Variants in TRDN observed in about 807,000 individuals in gnomAD.
TRDN encodes the protein triadin, also known as triadin in skeletal muscle.
Under a neutral mutation model 149.7 loss-of-function variants are expected in TRDN, and 161 were observed. That is an observed-to-expected ratio of 1.08 (90% CI 0.95 to 1.23). The LOEUF is 1.23. Ranked by LOEUF, TRDN falls within the 50% of genes most tolerant of loss-of-function variation. TRDN has a pLI of 0.00. For missense variants in TRDN, 896 were observed against 823.5 expected, an observed-to-expected ratio of 1.09 and a Z score of -1.08; for synonymous variants, 294 against 250.5, an observed-to-expected ratio of 1.17 and a Z score of -1.64.
At chr6:123,423,154 C>T (rs972553016) in intron 12 of TRDN, among the ~76,000 whole-genome samples, 1 of 152,030 alleles carries the variant, frequency 6.6e-6, no homozygotes, top group Non-Finnish European at 1.5e-5. Context: ...CATCTTTTCA[C>T]ATTAAACATT....
chr6:123,491,479 C>A (rs1323252996), intron 9 of TRDN, among the ~76,000 whole-genome samples: 1 of 152,040 alleles, frequency 6.6e-6, no homozygotes, highest in Non-Finnish European at 1.5e-5. Context: ...TATTTAAATT[C>A]TTATCAAAAC....
At chr6:123,372,204 G>T (rs904142882) in intron 19 of TRDN, among the ~76,000 whole-genome samples, 1 of 151,952 alleles carries the variant, frequency 6.6e-6, no homozygotes, top group Admixed American at 6.6e-5. Context: ...ATTAAGAGCA[G>T]TTGTCTCCAA....
chr6:123,245,125 C>G (rs1418393465), intron 38 of TRDN, among the ~76,000 whole-genome samples: 1 of 152,150 alleles, frequency 6.6e-6, no homozygotes, highest in Non-Finnish European at 1.5e-5. Flanking sequence ...AAACTGTTAC[C>G]AGTCACTGCA....
intron 10 of TRDN, chr6:123,464,357 C>A: frequency 1.0e-6 from 1 of 973,820 alleles, no homozygotes; most frequent in Non-Finnish European, 1.2e-6. Flanking sequence ...ATAAACTATA[C>A]ATATACATAA....
chr6:123,517,645 C>T (rs903545361), intron 5 of TRDN, among the ~76,000 whole-genome samples: 4 of 152,068 alleles, frequency 2.6e-5, no homozygotes, highest in Non-Finnish European at 4.4e-5. Context: ...TAACTAAATG[C>T]TAGTAGCTCC....
At chr6:123,400,167 G>GTGTATATATATATATA (rs1554232309) in intron 12 of TRDN, among the ~76,000 whole-genome samples, 10 of 123,380 alleles carry the variant, frequency 8.1e-5, no homozygotes, top group Non-Finnish European at 1.2e-4. Flanking sequence ...ATATGTATGT[G>GTGTATATATATATATA]TATATATATA....
At chr6:123,622,475 C>G (rs1785448985) in intron 1 of TRDN, among the ~76,000 whole-genome samples, 2 of 152,152 alleles carry the variant, frequency 1.3e-5, no homozygotes, top group Admixed American at 1.3e-4. Context: ...GAATTTTCGA[C>G]TGGTAAGTCG....
intron 9 of TRDN, among the ~76,000 whole-genome samples, chr6:123,485,737 C>T (rs1397863832): frequency 6.6e-6 from 1 of 152,092 alleles, no homozygotes; most frequent in African/African-American, 2.4e-5. Flanking sequence ...TACATTAACC[C>T]TATAAAGTTA....
At chr6:123,475,033 C>A (rs1777394018) in intron 9 of TRDN, among the ~76,000 whole-genome samples, 1 of 151,832 alleles carries the variant, frequency 6.6e-6, no homozygotes, top group African/African-American at 2.4e-5. Flanking sequence ...CAAAAGCTAG[C>A]AGAAGGCAAG....
At chr6:123,238,367 G>A (rs1197417050) in intron 38 of TRDN, among the ~76,000 whole-genome samples, 1 of 152,152 alleles carries the variant, frequency 6.6e-6, no homozygotes, top group East Asian at 1.9e-4. Context: ...CTCTTGTTTA[G>A]AAGGGGTTTT....
intron 12 of TRDN, among the ~76,000 whole-genome samples, chr6:123,416,270 AAT>A (rs1305284158): frequency 1.3e-5 from 2 of 151,976 alleles, no homozygotes; most frequent in African/African-American, 2.4e-5. Flanking sequence ...CACTCAGGAT[AAT>A]ATCTTTTGTG....
intron 4 of TRDN, among the ~76,000 whole-genome samples, chr6:123,545,933 T>C (rs1013925306): frequency 1.3e-4 from 20 of 152,046 alleles, no homozygotes; most frequent in Admixed American, 9.8e-4. Context: ...TAAATATCAA[T>C]TTATGAAAAA....
Position 123,217,937 on chromosome 6 carries a change from G to C in TRDN, c.*664C>G. 6.6e-6 allele frequency: 1 copy of C among 151,828 alleles called. No homozygotes were observed. The highest frequency in any genetic ancestry group is 1.5e-5 in the Non-Finnish European group (1 of 67,900). The allele number at this position is 151,828 out of a possible 1,614,324, so 9.4% of individuals were successfully genotyped here. ...ACTGAATGTCCTAATTATCATTCAAGACATATCTTAAAGATTTATCAAGCA... is the reference window on the plus strand; with the variant it reads ...ACTGAATGTCCTAATTATCATTCAACACATATCTTAAAGATTTATCAAGCA... On this transcript the variant is annotated 3_prime_UTR_variant, in exon 41 of 41. Transcript: ENST00000334268.
At chr6:123,552,976 A>G (rs1236814142) in intron 2 of TRDN, among the ~76,000 whole-genome samples, 1 of 152,160 alleles carries the variant, frequency 6.6e-6, no homozygotes, top group Non-Finnish European at 1.5e-5. Flanking sequence ...AGGATAAAGT[A>G]CTCTGTGCTT....
intron 21 of TRDN, among the ~76,000 whole-genome samples, chr6:123,343,360 T>C (rs1780133642): frequency 6.6e-6 from 1 of 151,960 alleles, no homozygotes; most frequent in Non-Finnish European, 1.5e-5. Context: ...TTTTGAACTT[T>C]TTAAAATGGA....
chr6:123,481,514 G>T (rs1241062638), intron 9 of TRDN, among the ~76,000 whole-genome samples: 2 of 150,906 alleles, frequency 1.3e-5, no homozygotes, highest in African/African-American at 4.9e-5. Flanking sequence ...ATAGCCATTT[G>T]AAAAAATTCT....
intron 32 of TRDN, 107 bp from the exon 33 acceptor site, chr6:123,265,445 A>G: frequency 1.5e-6 from 1 of 661,376 alleles, no homozygotes; most frequent in Non-Finnish European, 2.4e-6. Context: ...TGTAAAAATA[A>G]GACTAAACTT....
chr6:123,526,918 T>C (rs889652821), intron 5 of TRDN, among the ~76,000 whole-genome samples: 2 of 152,080 alleles, frequency 1.3e-5, no homozygotes, highest in Non-Finnish European at 2.9e-5. Flanking sequence ...ATTAATTAAC[T>C]GATAGTTACT....
Position 123,636,870 on chromosome 6 carries a change from G to C in TRDN, c.-95C>G. The stretch of plus-strand genomic sequence containing the variant: ...TTTGAGAACTCTGGTGGAGGGTTCT[G>C]TGTCAAAACCTGGGGGCTCTTCGTT... On this transcript the variant is annotated 5_prime_UTR_variant, in exon 1 of 41. Transcript: ENST00000334268. 6.9e-7 allele frequency: 1 copy of C among 1,457,530 alleles called. No individual in the cohort carries two copies. Among genetic ancestry groups the C allele is most frequent in the Non-Finnish European group, 9.6e-7 (1 of 1,041,782 alleles). The allele number at this position is 1,457,530 out of a possible 1,614,324, so 90.3% of individuals were successfully genotyped here. A position where few individuals can be genotyped will look rare whatever the true frequency, so the allele number is the denominator to read the frequency against.
Sources: gnomAD v4.1 joint callset for allele counts (sites outside exome capture counted in the v4.1 genomes callset) on GRCh38, gnomAD v4.1.1 for gene constraint, MANE v1.5 for transcripts, NCBI Gene and HGNC (gene_info 2026-07-23, HGNC 2026-07-21) for gene names.